Variants in ANO3 observed in about 807,000 individuals in gnomAD.
ANO3 encodes the protein anoctamin 3, also known as anoctamin-3.
ANO3 carries 99 observed loss-of-function variants against 144.8 expected under a neutral mutation model. The ratio of observed to expected loss-of-function variants is 0.68; its 90% confidence interval spans 0.58 to 0.81. ANO3 has a LOEUF of 0.81. Ranked by LOEUF, ANO3 falls within the 30% of genes least tolerant of loss-of-function variation. The pLI is 0.00. For synonymous variants in ANO3, 414 were observed against 392.6 expected, an observed-to-expected ratio of 1.05 and a Z score of -0.64; for missense variants, 905 against 1,202.2, an observed-to-expected ratio of 0.75 and a Z score of 3.66.
chr11:26,289,569 T>TATCCTATATGTGTGTATATGTACATATAC (rs1853892671), intron 1 of ANO3, among the ~76,000 whole-genome samples: 1 of 107,402 alleles, frequency 9.3e-6, no homozygotes, highest in African/African-American at 4.6e-5. Flanking sequence ...TATGTACATA[T>TATCCTATATGTGTGTATATGTACATATAC]ACACATATAT....
chr11:26,290,219 T>C (rs1425013096), intron 1 of ANO3, among the ~76,000 whole-genome samples: 1 of 152,232 alleles, frequency 6.6e-6, no homozygotes. Flanking sequence ...TAGTGTTCTC[T>C]GATGGTAGTT....
At chr11:26,655,125 G>GA (rs1238724978) in intron 24 of ANO3, among the ~76,000 whole-genome samples, 1 of 152,112 alleles carries the variant, frequency 6.6e-6, no homozygotes, top group Non-Finnish European at 1.5e-5. Flanking sequence ...TCTGCCTTTT[G>GA]AAAATCAAAT....
chr11:26,221,989 T>C lies in ANO3; in HGVS notation c.154+32659T>C, dbSNP rs76895846. On this transcript the variant is annotated intron_variant, in intron 1 of 27. Coordinates refer to the ANO3 transcript ENST00000672621. ...ATCATGCTGCCCCTGAACCCCTAAA[T>C]TTTATGTCCTTCTCACATTGTAAAA... Among the ~76,000 whole-genome samples the C allele has an allele frequency of 4.4e-3, 670 of 152,272 alleles. 4 individuals are homozygous for C. The highest frequency in any genetic ancestry group is 0.015 in the African/African-American group (639 of 41,568).
chr11:26,280,912 C>T lies in ANO3; in HGVS notation c.155-28733C>T, dbSNP rs376396543. ...ATTTTATAGCACAGCAATTGGGAAGCTGGACATACATGCTCCTGGGAGCCA... is the reference window on the plus strand; with the variant it reads ...ATTTTATAGCACAGCAATTGGGAAGTTGGACATACATGCTCCTGGGAGCCA... On this transcript the variant is annotated intron_variant, in intron 1 of 27. Transcript: ENST00000672621. Among the ~76,000 whole-genome samples, 23 of 152,274 alleles carry T rather than the reference C, an allele frequency of 1.5e-4. 1 individual carries two copies. The South Asian group carries it at 4.6e-3, about 30-fold the overall frequency.
intron 1 of ANO3, among the ~76,000 whole-genome samples, chr11:26,196,335 T>C (rs1368977935): frequency 6.6e-6 from 1 of 152,188 alleles, no homozygotes; most frequent in East Asian, 1.9e-4. Flanking sequence ...CCTGCAGATG[T>C]TTTCTTCAGA....
intron 1 of ANO3, among the ~76,000 whole-genome samples, chr11:26,401,809 G>A (rs867444795): frequency 3.3e-5 from 5 of 151,918 alleles, no homozygotes; most frequent in Admixed American, 6.6e-5. Context: ...CCCAGGAGAC[G>A]GAGCTTTCAT....
intron 1 of ANO3, among the ~76,000 whole-genome samples, chr11:26,298,362 C>T (rs1210782313): frequency 6.6e-6 from 1 of 152,080 alleles, no homozygotes; most frequent in African/African-American, 2.4e-5. Flanking sequence ...CCAATTTTTC[C>T]TGTATATTTT....
In ANO3 at chr11:26,317,181, A is replaced by C. The variant is rs1590255759; in HGVS notation, c.-3+7462A>C. The stretch of plus-strand genomic sequence containing the variant: ...CATGGATGCAGAGGGACAGGTAAAA[A>C]ATTGCTAGGTGCTATACGAGATAAG... On this transcript the variant is annotated intron_variant, in intron 1 of 26. Transcript: ENST00000525139. Among the ~76,000 whole-genome samples, 3 of 152,158 alleles carry C rather than the reference A, an allele frequency of 2.0e-5. No individual in the cohort carries two copies. The South Asian group carries it at 6.2e-4, about 32-fold the overall frequency.
At chr11:26,473,685 T>C (rs1859861195) in intron 4 of ANO3, among the ~76,000 whole-genome samples, 1 of 151,870 alleles carries the variant, frequency 6.6e-6, no homozygotes, top group Non-Finnish European at 1.5e-5. Context: ...TCTGCCCAGC[T>C]CAAATGGCAC....
At chr11:26,361,238 T>C (rs180783532) in intron 1 of ANO3, among the ~76,000 whole-genome samples, 3 of 152,160 alleles carry the variant, frequency 2.0e-5, no homozygotes, top group Non-Finnish European at 2.9e-5. Context: ...GATAGATTTG[T>C]GAGTGCTTTT....
intron 1 of ANO3, among the ~76,000 whole-genome samples, chr11:26,253,612 C>T (rs1452829327): frequency 2.7e-5 from 4 of 150,620 alleles, no homozygotes; most frequent in South Asian, 2.1e-4. Flanking sequence ...TTGCAATGAC[C>T]GAATGCTTTG....
At chr11:26,597,422 G>C (rs146104799) in intron 14 of ANO3, among the ~76,000 whole-genome samples, 1 of 152,160 alleles carries the variant, frequency 6.6e-6, no homozygotes, top group African/African-American at 2.4e-5. Context: ...CAGGAACAAC[G>C]GCAAGCCTCT....
At chr11:26,385,782 T>C (rs1176339182) in intron 1 of ANO3, among the ~76,000 whole-genome samples, 3 of 145,678 alleles carry the variant, frequency 2.1e-5, no homozygotes, top group Non-Finnish European at 3.0e-5. Context: ...TAATAGGAAC[T>C]GGAAACATCA....
intron 4 of ANO3, among the ~76,000 whole-genome samples, chr11:26,473,540 A>C (rs1365523447): frequency 1.3e-5 from 2 of 151,788 alleles, no homozygotes; most frequent in Non-Finnish European, 2.9e-5. Flanking sequence ...TAAAACCAGA[A>C]AAAAAAATTA....
chr11:26,624,823 T>G (rs1209554696), intron 18 of ANO3, among the ~76,000 whole-genome samples: 1 of 152,222 alleles, frequency 6.6e-6, no homozygotes. Flanking sequence ...ATGTACACTT[T>G]TTAAAAGCCA....
At chr11:26,360,994 G>T (rs1855911604) in intron 1 of ANO3, among the ~76,000 whole-genome samples, 1 of 152,114 alleles carries the variant, frequency 6.6e-6, no homozygotes, top group Non-Finnish European at 1.5e-5. Context: ...CATTAGGTGT[G>T]TAAGTCCGTC....
upstream of ANO3, among the ~76,000 whole-genome samples, chr11:26,307,289 G>T (rs185920910): frequency 6.6e-6 from 1 of 152,270 alleles, no homozygotes; most frequent in Admixed American, 6.5e-5. Flanking sequence ...AGGAGACGGA[G>T]GTTGCAGTAA....
At chr11:26,350,479 A>C (rs550066615) in intron 1 of ANO3, among the ~76,000 whole-genome samples, 5 of 152,306 alleles carry the variant, frequency 3.3e-5, no homozygotes, top group African/African-American at 1.2e-4. Context: ...GTTTCTTTTT[A>C]AAACTGTACC....
chr11:26,432,793 G>C (rs988513973), intron 1 of ANO3, among the ~76,000 whole-genome samples: 2 of 152,138 alleles, frequency 1.3e-5, no homozygotes, highest in Non-Finnish European at 2.9e-5. Context: ...ATGCTACCTT[G>C]TTTACTGTAG....
Sources: allele counts gnomAD v4.1 joint callset (sites outside exome capture counted in the v4.1 genomes callset), GRCh38; gene constraint gnomAD v4.1.1; transcripts MANE v1.5; gene names NCBI Gene and HGNC (gene_info 2026-07-23, HGNC 2026-07-21).